EYS: variants seen among roughly 807,000 people sequenced by gnomAD.
EYS encodes protein eyes shut homolog.
Under a neutral mutation model 282.1 loss-of-function variants are expected in EYS, and 250 were observed. That is an observed-to-expected ratio of 0.89 (90% CI 0.80 to 0.98). The LOEUF (loss-of-function observed/expected upper bound fraction) is 0.98. Ranked by LOEUF, EYS falls within the 50% of genes least tolerant of loss-of-function variation. The pLI is 0.00. For missense variants in EYS, 4,016 were observed against 3,709.0 expected (o/e 1.08, Z -2.15); for synonymous variants, 1,355 against 1,282.9 (o/e 1.06, Z -1.20).
At chr6:64,274,086 G>A (rs966376444) in intron 30 of EYS, among the ~76,000 whole-genome samples, 5 of 152,112 alleles carry the variant, frequency 3.3e-5, no homozygotes, top group East Asian at 1.9e-4. Flanking sequence ...AGATCCCAGC[G>A]TATAACCTTT....
At chr6:64,094,924 A>C (rs528453251) in intron 31 of EYS, among the ~76,000 whole-genome samples, 46 of 152,008 alleles carry the variant, frequency 3.0e-4, no homozygotes, top group Admixed American at 5.9e-4. Flanking sequence ...CACTGCGTTG[A>C]ATGTGTCCCA....
intron 12 of EYS, among the ~76,000 whole-genome samples, chr6:65,106,709 G>T (rs1351481518): frequency 6.6e-6 from 1 of 151,944 alleles, no homozygotes; most frequent in Non-Finnish European, 1.5e-5. Context: ...GACATTTTAT[G>T]TTCACCGTTT....
intron 15 of EYS, among the ~76,000 whole-genome samples, chr6:64,925,629 T>C (rs10944769): frequency 0.4 from 61,322 of 152,016 alleles, 12,740 homozygotes; most frequent in East Asian, 0.54. Context: ...GTGGTGCTTA[T>C]AGGTGAGAGC....
At chr6:64,323,428 G>A (rs956539644) in intron 29 of EYS, among the ~76,000 whole-genome samples, 5 of 151,802 alleles carry the variant, frequency 3.3e-5, no homozygotes, top group Admixed American at 6.6e-5. Context: ...CGCTTGATTC[G>A]CCTTTGGGTT....
At chr6:64,117,968 A>G (rs1273400079) in intron 31 of EYS, among the ~76,000 whole-genome samples, 4 of 152,052 alleles carry the variant, frequency 2.6e-5, no homozygotes, top group African/African-American at 9.7e-5. Flanking sequence ...AAAATACCTA[A>G]GACCAAATTT....
At chr6:65,562,435 A>G (rs899059120) in intron 2 of EYS, among the ~76,000 whole-genome samples, 1 of 152,040 alleles carries the variant, frequency 6.6e-6, no homozygotes, top group Non-Finnish European at 1.5e-5. Flanking sequence ...TGTAGTTAAC[A>G]TAAGGACAGA....
chr6:64,889,234 T>C (rs1227178029), intron 18 of EYS, among the ~76,000 whole-genome samples: 1 of 151,976 alleles, frequency 6.6e-6, no homozygotes, highest in Admixed American at 6.6e-5. Context: ...TCCCCAAATT[T>C]TGTTTTCGGT....
intron 36 of EYS, among the ~76,000 whole-genome samples, chr6:63,838,223 C>CTTTTTTTT (rs565597752): frequency 1.4e-5 from 2 of 142,780 alleles, no homozygotes; most frequent in African/African-American, 2.6e-5. Flanking sequence ...CTTTTCTTTT[C>CTTTTTTTT]TTTTTTTTTT....
At chr6:64,552,231 G>A (rs1240671343) in intron 26 of EYS, among the ~76,000 whole-genome samples, 1 of 152,310 alleles carries the variant, frequency 6.6e-6, no homozygotes, top group South Asian at 2.1e-4. Flanking sequence ...GGACAGAACA[G>A]ACTCTTTGTA....
At chr6:65,369,689 G>T (rs1765063162) in intron 8 of EYS, among the ~76,000 whole-genome samples, 1 of 151,402 alleles carries the variant, frequency 6.6e-6, no homozygotes, top group African/African-American at 2.4e-5. Context: ...TTGCTTTATT[G>T]TAGGAAACTC....
At chr6:64,844,209 TTAAG>T (rs1765651230) in intron 19 of EYS, among the ~76,000 whole-genome samples, 2 of 152,124 alleles carry the variant, frequency 1.3e-5, no homozygotes, top group South Asian at 4.1e-4. Context: ...TCTCTCCATA[TTAAG>T]TGAGTATTTT....
At chr6:64,945,720 T>A (rs1769263416) in intron 15 of EYS, 73 bp downstream of exon 15, 1 of 1,316,992 alleles carries the variant, frequency 7.6e-7, no homozygotes, top group African/African-American at 1.5e-5. Flanking sequence ...GTGAAAATAA[T>A]GTCTGGATGT....
chr6:63,928,662 T>C lies in EYS; in HGVS notation c.7055+55721A>G, dbSNP rs1210536573. The stretch of plus-strand genomic sequence containing the variant: ...GTTTTCATCTCTTGATTTCCAGTAT[T>C]GGGTCAGGTAGCATCTGCTTAAAGG... On this transcript the variant is annotated intron_variant, in intron 35 of 42. Transcript: ENST00000503581. 2.6e-5 allele frequency among the ~76,000 whole-genome samples: 4 copies of C among 152,216 alleles called. No homozygotes were observed. In the East Asian group the frequency reaches 7.7e-4, roughly 29 times the overall value.
chr6:65,611,045 C>T (rs1183891082), intron 2 of EYS, among the ~76,000 whole-genome samples: 2 of 151,944 alleles, frequency 1.3e-5, no homozygotes, highest in Non-Finnish European at 2.9e-5. Flanking sequence ...GGCCTGTTGA[C>T]CCAAAGGGCA....
In EYS at chr6:64,394,992, G is replaced by A. The variant is rs375007553; in HGVS notation, c.5928-6152C>T. 3.6e-3 allele frequency among the ~76,000 whole-genome samples: 555 copies of A among 152,170 alleles called. 3 individuals carry two copies. The highest frequency in any genetic ancestry group is 0.026 in the East Asian group (134 of 5,164). ...CGAAGGATATGAACAGACACTTCTC[G>A]AAAGAAGACATTTATGCAGCCAACA... On this transcript the variant is annotated intron_variant, in intron 28 of 42. Coordinates refer to ENST00000503581, the MANE Select transcript of EYS (RefSeq NM_001142800.2).
chr6:64,589,931 A>T (rs1420326828), intron 26 of EYS, among the ~76,000 whole-genome samples: 1 of 152,096 alleles, frequency 6.6e-6, no homozygotes, highest in African/African-American at 2.4e-5. Context: ...GTTATTTCTA[A>T]ACTTTGAGAG....
chr6:64,299,674 T>G (rs1769166287), intron 30 of EYS, among the ~76,000 whole-genome samples: 1 of 152,224 alleles, frequency 6.6e-6, no homozygotes, highest in African/African-American at 2.4e-5. Context: ...TTGAAACAGC[T>G]GCTTAAAGCT....
At chr6:64,717,905 A>G (rs148683465) in intron 22 of EYS, among the ~76,000 whole-genome samples, 4 of 152,188 alleles carry the variant, frequency 2.6e-5, no homozygotes, top group African/African-American at 9.7e-5. Flanking sequence ...ATTTCTCAGT[A>G]TAGAAATTCC....
intron 40 of EYS, among the ~76,000 whole-genome samples, chr6:63,774,838 T>C (rs1770024925): frequency 6.6e-6 from 1 of 151,574 alleles, no homozygotes; most frequent in Non-Finnish European, 1.5e-5. Context: ...ATATCTTTCT[T>C]CTCACTAAAC....
Sources: allele counts gnomAD v4.1 joint callset (sites outside exome capture counted in the v4.1 genomes callset), GRCh38; gene constraint gnomAD v4.1.1; transcripts MANE v1.5; gene names NCBI Gene and HGNC (gene_info 2026-07-23, HGNC 2026-07-21).